Variants in ADAMTS5 observed in about 807,000 individuals in gnomAD.
ADAMTS5 encodes the protein A disintegrin and metalloproteinase with thrombospondin motifs 5.
A neutral mutation model predicts 81.4 loss-of-function variants in ADAMTS5; 54 were observed. The ratio of observed to expected loss-of-function variants is 0.66; its 90% CI spans 0.53 to 0.83. ADAMTS5 has a LOEUF of 0.83. Among genes scored for constraint, ADAMTS5 ranks in the 40% least tolerant of loss-of-function variants. The probability of loss-of-function intolerance (pLI) is 0.00; values close to 1 mark genes in which losing one functional copy is unlikely to be tolerated. For synonymous variants in ADAMTS5, 532 were observed against 508.8 expected, an observed-to-expected ratio of 1.05 and a Z score of -0.61; for missense variants, 1,194 against 1,229.9, an observed-to-expected ratio of 0.97 and a Z score of 0.44.
At position 26,958,758 on chromosome 21, in the gene ADAMTS5, G is replaced by A. The variant is rs78118360; in HGVS notation, c.1105-3887C>T. ...TTTAGGGAACATCAGGCTCTAAGGA[G>A]CAAAACAGATATGTCAAGAACAAAG... On this transcript the variant is annotated intron_variant, in intron 1 of 7. Transcript: ENST00000284987. Among the ~76,000 whole-genome samples, 1,098 of 152,302 alleles carry A rather than the reference G, an allele frequency of 7.2e-3. 11 individuals are homozygous for A. Among genetic ancestry groups the A allele is most frequent in the African/African-American group, 0.025 (1,033 of 41,560 alleles).
chr21:26,955,899 C>G (rs1212812015), intron 1 of ADAMTS5, among the ~76,000 whole-genome samples: 1 of 152,120 alleles, frequency 6.6e-6, no homozygotes, highest in Non-Finnish European at 1.5e-5. Context: ...TAAAAATATA[C>G]TAATTATTGT....
chr21:26,955,018 C>G (rs1987397350), intron 1 of ADAMTS5, 147 bp from the exon 2 acceptor site: 1 of 938,226 alleles, frequency 1.1e-6, no homozygotes, highest in South Asian at 1.7e-5. Context: ...AAGGCAAACT[C>G]AAGGCAGAGA....
chr21:26,954,934 G>A, intron 1 of ADAMTS5, 63 bp from the exon 2 acceptor site: 1 of 1,588,286 alleles, frequency 6.3e-7, no homozygotes. Context: ...CCGCCACATA[G>A]AGCCACTTGC....
At chr21:26,954,645 G>A in intron 2 of ADAMTS5, 94 bp downstream of exon 2, 3 of 1,535,626 alleles carry the variant, frequency 2.0e-6, no homozygotes, top group Non-Finnish European at 2.6e-6. Flanking sequence ...TCTGAACCAG[G>A]AGAAATCTGG....
Position 26,943,531 on chromosome 21 carries a change from G to A in ADAMTS5, c.1254C>T (p.Leu418=). Reference sequence around the variant, plus strand: ...CACAGAATTTGGAATCGTCATGGGAGAGGCCAAGTAAATGTCCTAAGGGAG... The same window carrying A: ...CACAGAATTTGGAATCGTCATGGGAAAGGCCAAGTAAATGTCCTAAGGGAG... The part of the protein sequence containing the change: ...VAHEIGHLLG[L]SHDDSKFCEE... The change falls in exon 3 of 8, where the codon CTC becomes CTT. Residue 418 remains leucine, a synonymous_variant. Coordinates refer to ENST00000284987, the MANE Select transcript of ADAMTS5 (RefSeq NM_007038.5). The A allele has an allele frequency of 6.2e-7, 1 of 1,613,362 alleles. No homozygotes were observed. Among genetic ancestry groups the A allele is most frequent in the African/African-American group, 1.3e-5 (1 of 75,006 alleles).
intron 3 of ADAMTS5, among the ~76,000 whole-genome samples, chr21:26,942,118 C>T (rs1987125753): frequency 1.3e-5 from 2 of 152,024 alleles, no homozygotes; most frequent in African/African-American, 4.8e-5. Context: ...TATATAGTAA[C>T]AGGCAGCTAA....
rs996334915 is a variant in ADAMTS5, at chr21:26,924,026, C to G, written c.*27G>C. 9 of 1,560,194 alleles carry G rather than the reference C, an allele frequency of 5.8e-6. No individual in the cohort carries two copies. The highest frequency in any genetic ancestry group is 7.8e-6 in the Non-Finnish European group (9 of 1,148,346). On this transcript the variant is annotated 3_prime_UTR_variant, in exon 8 of 8. Coordinates refer to ENST00000284987, the MANE Select transcript of ADAMTS5 (RefSeq NM_007038.5). ...CATCAGTGCTGAATCCTCCAGTTAT[C>G]TTTGTGCATAAGATCATAACCACAG...
At position 26,924,043 on chromosome 21, in the gene ADAMTS5, TAACCAC is replaced by T. The variant is rs764856112; in HGVS notation, c.*4_*9del. The T allele has an allele frequency of 4.4e-6, 7 of 1,581,218 alleles. No individual in the cohort carries two copies. In the South Asian group the frequency reaches 8.0e-5, roughly 18 times the overall value. ...CCAGTTATCTTTGTGCATAAGATCA[TAACCAC>T]AGGCTAACATTTCTTCAACAAGCAT... On this transcript the variant is annotated 3_prime_UTR_variant, in exon 8 of 8. Transcript: ENST00000284987.
chr21:26,962,281 A>C (rs1176212692), intron 1 of ADAMTS5, among the ~76,000 whole-genome samples: 3 of 152,208 alleles, frequency 2.0e-5, no homozygotes, highest in Admixed American at 2.0e-4. Flanking sequence ...GTCCAGAACA[A>C]GGAAAGGATT....
At chr21:26,948,953 AC>A (rs1987266696) in intron 2 of ADAMTS5, among the ~76,000 whole-genome samples, 1 of 152,040 alleles carries the variant, frequency 6.6e-6, no homozygotes, top group African/African-American at 2.4e-5. Context: ...CTCTTGGGTG[AC>A]CCACTAATGG....
In ADAMTS5 at chr21:26,921,446, C is replaced by A. The variant is rs200987502; in HGVS notation, c.*2607G>T. ...AAACCTGAGCATTTTCAGACGAATTCTTTTTTTTTTTTTTTTTTAAAGAAG... is the reference window on the plus strand; with the variant it reads ...AAACCTGAGCATTTTCAGACGAATTATTTTTTTTTTTTTTTTTTAAAGAAG... On this transcript the variant is annotated 3_prime_UTR_variant, in exon 8 of 8. Coordinates refer to ENST00000284987, the MANE Select transcript of ADAMTS5 (RefSeq NM_007038.5). The A allele has an allele frequency of 3.9e-5, 5 of 129,732 alleles. No individual in the cohort carries two copies. The highest frequency in any genetic ancestry group is 8.1e-5 in the Non-Finnish European group (5 of 61,648). The allele number at this position is 129,732 out of a possible 1,614,324, so 8.0% of individuals were successfully genotyped here.
rs1986940992 is a variant in ADAMTS5 at position 26,932,925 on chromosome 21, T to C, written c.1809A>G (p.Gly603=). The change falls in exon 5 of 8, where the codon GGA becomes GGG. Residue 603 remains glycine, a synonymous_variant. Coordinates refer to ENST00000284987, the MANE Select transcript of ADAMTS5 (RefSeq NM_007038.5). ...HCNNPAPRNN[G]RYCTGKRAIY... ...TGGCCCTCTTCCCTGTGCAGTAGCGTCCGTTGTTTCTGGGAGCAGGGTTAT... is the reference window on the plus strand; with the variant it reads ...TGGCCCTCTTCCCTGTGCAGTAGCGCCCGTTGTTTCTGGGAGCAGGGTTAT... 1 of 1,614,046 alleles carries C rather than the reference T, an allele frequency of 6.2e-7. No homozygotes were observed. Among genetic ancestry groups the C allele is most frequent in the East Asian group, 2.2e-5 (1 of 44,854 alleles).
rs373042479 is a variant in ADAMTS5 at position 26,929,135 on chromosome 21, G to A, written c.2225+751C>T. Among the ~76,000 whole-genome samples, 40 of 151,848 alleles carry A rather than the reference G, an allele frequency of 2.6e-4. No individual in the cohort carries two copies. In the South Asian group the frequency reaches 4.4e-3, roughly 17 times the overall value. ...TTTAATAAATCCTATTGTTAATTTC[G>A]TTTGCATATTACTCTCAAGTTACAG... On this transcript the variant is annotated intron_variant, in intron 7 of 7. Transcript: ENST00000284987.
At chr21:26,933,151 G>T in intron 4 of ADAMTS5, 107 bp from the exon 5 acceptor site, 2 of 1,167,682 alleles carry the variant, frequency 1.7e-6, no homozygotes, top group South Asian at 1.5e-5. Flanking sequence ...CTTTGTCACA[G>T]ATACAGTTAT....
chr21:26,943,301 T>A, intron 3 of ADAMTS5, 79 bp downstream of exon 3: 10 of 1,325,552 alleles, frequency 7.5e-6, no homozygotes, highest in Non-Finnish European at 1.0e-5. Context: ...AGATGAATAT[T>A]ATGAGGATAT....
At chr21:26,959,775 GC>G (rs1486720232) in intron 1 of ADAMTS5, among the ~76,000 whole-genome samples, 6 of 152,092 alleles carry the variant, frequency 3.9e-5, no homozygotes, top group Non-Finnish European at 8.8e-5. Context: ...CATCTAATTA[GC>G]CACTGTAAGT....
chr21:26,943,643 T>C, intron 2 of ADAMTS5, 96 bp from the exon 3 acceptor site: 3 of 1,181,280 alleles, frequency 2.5e-6, no homozygotes, highest in South Asian at 3.2e-5. Flanking sequence ...TTTCCCCTAA[T>C]TGTAGATGAG....
chr21:26,924,693 T>A, intron 7 of ADAMTS5, 73 bp from the exon 8 acceptor site: 1 of 1,213,626 alleles, frequency 8.2e-7, no homozygotes, highest in Non-Finnish European at 1.2e-6. Flanking sequence ...AGTAAACACT[T>A]AACAAATAAA....
intron 1 of ADAMTS5, among the ~76,000 whole-genome samples, chr21:26,962,833 G>T (rs1987554106): frequency 6.6e-6 from 1 of 151,990 alleles, no homozygotes; most frequent in Admixed American, 6.6e-5. Context: ...TCATGAGATG[G>T]AAGACCTCAG....
Sources: gnomAD v4.1 joint callset for allele counts (sites outside exome capture counted in the v4.1 genomes callset) on GRCh38, gnomAD v4.1.1 for gene constraint, MANE v1.5 for transcripts, NCBI Gene and HGNC (gene_info 2026-07-23, HGNC 2026-07-21) for gene names.